The following CIITA variants were observed in gnomAD, a reference collection of about 807,000 sequenced individuals.
The protein encoded by CIITA is MHC class II transactivator.
CIITA carries 72 observed loss-of-function variants against 115.1 expected under a neutral mutation model. That is an observed-to-expected ratio of 0.63 (90% confidence interval 0.52 to 0.76). CIITA has a LOEUF of 0.76. Among genes scored for constraint, CIITA ranks in the 30% least tolerant of loss-of-function variants. CIITA has a pLI of 0.00. For synonymous variants in CIITA, 763 were observed against 635.6 expected, an observed-to-expected ratio of 1.20 and a Z score of -3.02; for missense variants, 1,617 against 1,463.8, an observed-to-expected ratio of 1.10 and a Z score of -1.71.
At chr16:10,902,911 C>T in intron 8 of CIITA, 110 bp downstream of exon 8, 1 of 1,288,584 alleles carries the variant, frequency 7.8e-7, no homozygotes, top group Non-Finnish European at 1.1e-6. Flanking sequence ...AGCACCTTCT[C>T]ATGATCCTCC....
intron 7 of CIITA, 40 bp downstream of exon 7, chr16:10,902,224 T>C (rs1486419196): frequency 1.2e-6 from 2 of 1,612,632 alleles, no homozygotes; most frequent in South Asian, 1.1e-5. Context: ...TTTCTCCCTC[T>C]TGGGAGGTGG....
chr16:10,907,529 G>C lies in CIITA; in HGVS notation c.2037G>C (p.Gln679His). Residue 679 changes from glutamine to histidine, a missense_variant, in exon 11 of 20, where the codon CAG becomes CAC. By Grantham distance (24) the Gln-to-His change is conservative. Coordinates refer to ENST00000324288, the MANE Select transcript of CIITA (RefSeq NM_000246.4). This position sits in a 1 kb window ranked among gnomAD's most constrained non-coding sequence, Gnocchi z 5.0. Reference sequence around the variant, plus strand: ...ATCAAAGTACCCTACAGGAGGACCAGTTCCCATCCGCAGACGTGAGGACCT... The same window carrying C: ...ATCAAAGTACCCTACAGGAGGACCACTTCCCATCCGCAGACGTGAGGACCT... Reference protein sequence around the residue: ...RRHQSTLQEDQFPSADVRTWA... With the variant: ...RRHQSTLQEDHFPSADVRTWA... 1 of 1,614,162 alleles carries C rather than the reference G, an allele frequency of 6.2e-7. No homozygotes were observed. Among genetic ancestry groups the C allele is most frequent in the Non-Finnish European group, 8.5e-7 (1 of 1,180,032 alleles).
chr16:10,910,620 G>A (rs1431836331), intron 13 of CIITA, among the ~76,000 whole-genome samples: 2 of 152,214 alleles, frequency 1.3e-5, no homozygotes, highest in Non-Finnish European at 2.9e-5. Flanking sequence ...CTGCACTGAA[G>A]CTTCAGTGAG....
Position 10,907,834 on chromosome 16 carries a change from C to G in CIITA, c.2342C>G (p.Ser781Trp), listed in dbSNP as rs13330686. Reference protein sequence around the residue: ...GALLGPSAAASVDRKQKVLAR... With the variant: ...GALLGPSAAAWVDRKQKVLAR... The stretch of plus-strand genomic sequence containing the variant: ...CTACTCGGGCCATCGGCGGCTGCCT[C>G]GGTGGACAGGAAGCAGAAGGTGCTT... The change falls in exon 11 of 20, where the codon TCG (serine) becomes TGG (tryptophan). Residue 781 changes from serine (S) to tryptophan (W), a missense_variant. Transcript: ENST00000324288. The surrounding 1 kb of genome is among the most constrained non-coding windows in gnomAD (Gnocchi z 5.0). 5.6e-6 allele frequency: 9 copies of G among 1,613,582 alleles called. No homozygotes were observed. Among genetic ancestry groups the G allele is most frequent in the Non-Finnish European group, 2.5e-6 (3 of 1,179,754 alleles).
chr16:10,918,665 C>A, intron 16 of CIITA, 139 bp downstream of exon 16: 1 of 713,468 alleles, frequency 1.4e-6, no homozygotes, highest in Non-Finnish European at 2.3e-6. Context: ...ATTAGCGGGA[C>A]GTGGTGAAAG....
chr16:10,915,460 G>T, intron 13 of CIITA, 110 bp from the exon 14 acceptor site: 1 of 823,252 alleles, frequency 1.2e-6, no homozygotes, highest in South Asian at 1.4e-5. Context: ...GGGAAGAGGA[G>T]GGGCCTCAGA....
At chr16:10,881,307 A>G (rs981772898) in intron 1 of CIITA, among the ~76,000 whole-genome samples, 3 of 152,146 alleles carry the variant, frequency 2.0e-5, no homozygotes, top group East Asian at 1.9e-4. Context: ...GGAAAAAAAA[A>G]AGAGAGAGAA....
rs767721211 is a variant in CIITA, at chr16:10,903,720, C to T, written c.773-11C>T. The T allele has an allele frequency of 3.7e-6, 6 of 1,614,054 alleles. No homozygotes were observed. Among genetic ancestry groups the T allele is most frequent in the Non-Finnish European group, 5.1e-6 (6 of 1,179,972 alleles). On this transcript the variant is annotated splice_polypyrimidine_tract_variant and intron_variant, in intron 8 of 19. Transcript: ENST00000324288. ...TGGTTATTCTCACACCACTCTCCACCCCCAATGTAGGTGAGGTGCCCCAGG... is the reference window on the plus strand; with the variant it reads ...TGGTTATTCTCACACCACTCTCCACTCCCAATGTAGGTGAGGTGCCCCAGG...
In CIITA at chr16:10,907,815, G is replaced by T. The variant is rs761042006; in HGVS notation, c.2323G>T (p.Gly775Trp). 6.2e-7 allele frequency: 1 copy of T among 1,613,998 alleles called. No homozygotes were observed. The highest frequency in any genetic ancestry group is 2.2e-5 in the East Asian group (1 of 44,880). Residue 775 changes from glycine to tryptophan, a missense_variant, in exon 11 of 20, where the codon GGG (glycine) becomes TGG (tryptophan). Transcript: ENST00000324288. This position sits in a 1 kb window ranked among gnomAD's most constrained non-coding sequence, Gnocchi z 5.0. Reference sequence around the variant, plus strand: ...CGCCCGCTGCCTGGGAGCCCTACTCGGGCCATCGGCGGCTGCCTCGGTGGA... The same window carrying T: ...CGCCCGCTGCCTGGGAGCCCTACTCTGGCCATCGGCGGCTGCCTCGGTGGA... ...PPARCLGALL[G>W]PSAAASVDRK...
Position 10,895,750 on chromosome 16 carries a change from C to A in CIITA, c.281C>A (p.Ala94Asp). Residue 94 changes from alanine (A) to aspartate (D), a missense_variant, in exon 3 of 20, where the codon GCT becomes GAT. Ala to Asp is a moderately radical substitution (Grantham distance 126). Coordinates refer to ENST00000324288, the MANE Select transcript of CIITA (RefSeq NM_000246.4). ...GAAGGTGATGAAGAGACCAGGGAGG[C>A]TTATGCCAATATCGGTGAGGAAGCA... ...DMEGDEETRE[A>D]YANIAELDQY... 1 of 1,614,098 alleles carries A rather than the reference C, an allele frequency of 6.2e-7. No homozygotes were observed. The highest frequency in any genetic ancestry group is 8.5e-7 in the Non-Finnish European group (1 of 1,180,006).
At chr16:10,896,120 C>A (rs1477250977) in intron 3 of CIITA, among the ~76,000 whole-genome samples, 2 of 152,224 alleles carry the variant, frequency 1.3e-5, no homozygotes, top group Non-Finnish European at 2.9e-5. Flanking sequence ...CTTAGCCAAG[C>A]TACTCTAGTA....
intron 1 of CIITA, among the ~76,000 whole-genome samples, chr16:10,881,909 A>G (rs1021459559): frequency 2.6e-5 from 4 of 152,210 alleles, no homozygotes; most frequent in Non-Finnish European, 5.9e-5. Context: ...CCGCCTATAA[A>G]TAGAATTACG....
chr16:10,915,728 T>C (rs747255225), intron 14 of CIITA, 78 bp downstream of exon 14: 14 of 1,324,158 alleles, frequency 1.1e-5, no homozygotes, highest in Non-Finnish European at 1.5e-5. Flanking sequence ...CAGCCTCGAA[T>C]TCCTGGCCTC....
chr16:10,919,503 C>CTTTATTTAT (rs2040154869), intron 16 of CIITA, among the ~76,000 whole-genome samples: 2 of 149,320 alleles, frequency 1.3e-5, no homozygotes, highest in South Asian at 4.3e-4. Context: ...GCCCGGCCAA[C>CTTTATTTAT]TTATTTATTT....
intron 13 of CIITA, among the ~76,000 whole-genome samples, chr16:10,910,882 G>T (rs912400027): frequency 1.3e-5 from 2 of 152,252 alleles, no homozygotes; most frequent in African/African-American, 4.8e-5. Context: ...ATTCCCAGGA[G>T]CTTTTGATGT....
intron 15 of CIITA, 40 bp downstream of exon 15, chr16:10,916,499 C>G: frequency 6.4e-7 from 1 of 1,555,198 alleles, no homozygotes; most frequent in Non-Finnish European, 8.8e-7. Context: ...GAATCGGGCC[C>G]CCAAAGTCCG....
rs559056785 is a variant in CIITA at position 10,903,185 on chromosome 16, T to C, written c.772+384T>C. Among the ~76,000 whole-genome samples the C allele has an allele frequency of 2.0e-5, 3 of 152,368 alleles. No homozygotes were observed. In the South Asian group the frequency reaches 6.2e-4, roughly 32 times the overall value. On this transcript the variant is annotated intron_variant, in intron 8 of 19. Transcript: ENST00000324288. ...CTCTCTCACTCTTTTAGTATACTGA[T>C]GTGAATAGTTTGGTGTGCATCCTTG...
chr16:10,942,287 G>A lies in CIITA; in HGVS notation n.1413G>A. ...CGCGGCTGCCCGGCTCCCTCGTGGC[G>A]CCTCCCTGGCGCTCGCAGGGCCTCG... is the stretch of plus-strand genomic sequence containing the variant. On this transcript the variant is annotated non_coding_transcript_exon_variant, in exon 2 of 2. Coordinates refer to the CIITA transcript ENST00000573379. This position sits in a 1 kb window ranked among gnomAD's most constrained non-coding sequence, Gnocchi z 5.0. The A allele has an allele frequency of 3.1e-6, 1 of 318,956 alleles. No homozygotes were observed. The allele number at this position is 318,956 out of a possible 1,614,324, so 19.8% of individuals were successfully genotyped here.
chr16:10,907,528 A>G lies in CIITA; in HGVS notation c.2036A>G (p.Gln679Arg). 6.2e-7 allele frequency: 1 copy of G among 1,614,136 alleles called. No homozygotes were observed. Among genetic ancestry groups the G allele is most frequent in the Non-Finnish European group, 8.5e-7 (1 of 1,180,018 alleles). Residue 679 changes from glutamine (Q) to arginine (R), a missense_variant, in exon 11 of 20, where the codon CAG becomes CGG. By Grantham distance (43) the Gln-to-Arg change is conservative. Coordinates refer to ENST00000324288, the MANE Select transcript of CIITA (RefSeq NM_000246.4). This position sits in a 1 kb window ranked among gnomAD's most constrained non-coding sequence, Gnocchi z 5.0. ...RRHQSTLQEDQFPSADVRTWA... is the reference protein window; with the variant it reads ...RRHQSTLQEDRFPSADVRTWA... ...CATCAAAGTACCCTACAGGAGGACC[A>G]GTTCCCATCCGCAGACGTGAGGACC... is the stretch of plus-strand genomic sequence containing the variant.
Sources: allele counts gnomAD v4.1 joint callset (sites outside exome capture counted in the v4.1 genomes callset), GRCh38; gene constraint gnomAD v4.1.1; non-coding constraint Gnocchi (gnomAD v3.1); transcripts MANE v1.5; gene names NCBI Gene and HGNC (gene_info 2026-07-23, HGNC 2026-07-21).